CATSPERB: variants seen among roughly 807,000 people sequenced by gnomAD.
CATSPERB encodes catsper channel auxiliary subunit beta, also known as cation channel sperm-associated auxiliary subunit beta.
A neutral mutation model predicts 128.3 loss-of-function variants in CATSPERB; 93 were observed. The observed-to-expected ratio is 0.72, with a 90% CI of 0.61 to 0.86. The LOEUF is 0.86. Among genes scored for constraint, CATSPERB ranks in the 40% least tolerant of loss-of-function variants. The pLI is 0.00. For missense variants in CATSPERB, 1,153 were observed against 1,329.5 expected (o/e 0.87, Z 2.06); for synonymous variants, 381 against 448.8 (o/e 0.85, Z 1.91).
chr14:91,609,883 G>T (rs1893790851), intron 21 of CATSPERB, among the ~76,000 whole-genome samples: 1 of 152,134 alleles, frequency 6.6e-6, no homozygotes, highest in Admixed American at 6.5e-5. Context: ...ACCGTGCCGG[G>T]CTAATTTTTG....
chr14:91,646,397 G>A (rs953112834), intron 15 of CATSPERB, among the ~76,000 whole-genome samples: 7 of 152,026 alleles, frequency 4.6e-5, no homozygotes, highest in African/African-American at 1.7e-4. Flanking sequence ...CTCCGAATTG[G>A]TCTCTGTGAT....
chr14:91,729,905 C>T (rs1896185781), intron 1 of CATSPERB, among the ~76,000 whole-genome samples: 1 of 152,020 alleles, frequency 6.6e-6, no homozygotes, highest in Non-Finnish European at 1.5e-5. Context: ...GTTGAGTGTG[C>T]CAAGAATGCA....
At chr14:91,612,719 G>A (rs576062004) in intron 20 of CATSPERB, among the ~76,000 whole-genome samples, 3 of 152,262 alleles carry the variant, frequency 2.0e-5, no homozygotes, top group Non-Finnish European at 4.4e-5. Context: ...CCCATACTCT[G>A]TAGCCATTAA....
At chr14:91,650,115 G>C (rs56212865) in intron 15 of CATSPERB, among the ~76,000 whole-genome samples, 28,359 of 152,120 alleles carry the variant, frequency 0.19, 2,811 homozygotes, top group South Asian at 0.24. Context: ...AGAGGGCACT[G>C]AAACCATAGT....
chr14:91,638,330 CA>C (rs1894416487), intron 16 of CATSPERB, among the ~76,000 whole-genome samples: 1 of 151,178 alleles, frequency 6.6e-6, no homozygotes, highest in South Asian at 2.1e-4. Context: ...TTTTTGTTGT[CA>C]CTAGAAAAAG....
intron 20 of CATSPERB, among the ~76,000 whole-genome samples, chr14:91,612,217 A>G (rs1027231267): frequency 3.2e-4 from 49 of 152,202 alleles, no homozygotes; most frequent in African/African-American, 1.2e-3. Context: ...GTGCCACCAC[A>G]CCTAGCTTTT....
chr14:91,729,567 GAAAT>G (rs1473093430), intron 1 of CATSPERB, 88 bp from the exon 2 acceptor site: 9 of 616,812 alleles, frequency 1.5e-5, no homozygotes, highest in African/African-American at 1.3e-4. Flanking sequence ...AAGTAGTAAA[GAAAT>G]AATCTCAATA....
At chr14:91,617,574 T>A in intron 20 of CATSPERB, 23 bp downstream of exon 20, 5 of 1,557,226 alleles carry the variant, frequency 3.2e-6, no homozygotes, top group Non-Finnish European at 3.4e-6. Context: ...TAAGAAATGT[T>A]TTGTAAATGA....
chr14:91,586,573 G>A (rs867422185), intron 26 of CATSPERB, among the ~76,000 whole-genome samples: 45 of 141,808 alleles, frequency 3.2e-4, no homozygotes, highest in African/African-American at 1.2e-3. Flanking sequence ...GAGAGAGAAA[G>A]AGAGAGAGAG....
intron 14 of CATSPERB, among the ~76,000 whole-genome samples, chr14:91,664,673 T>C (rs1271012341): frequency 6.6e-6 from 1 of 152,222 alleles, no homozygotes; most frequent in Non-Finnish European, 1.5e-5. Context: ...TGTACAACCC[T>C]CACATCCAAC....
At chr14:91,609,046 C>A (rs1893770028) in intron 21 of CATSPERB, among the ~76,000 whole-genome samples, 1 of 151,990 alleles carries the variant, frequency 6.6e-6, no homozygotes, top group Non-Finnish European at 1.5e-5. Flanking sequence ...ATAAAGTGAG[C>A]TAGAGAAAAA....
At chr14:91,709,723 GC>G (rs1212965494) in intron 5 of CATSPERB, 2 of 151,450 alleles carry the variant, frequency 1.3e-5, no homozygotes, top group Non-Finnish European at 2.9e-5. Flanking sequence ...AAAAATAAGA[GC>G]CCTGAAGATC....
At chr14:91,720,768 A>G (rs1043241412) in intron 4 of CATSPERB, among the ~76,000 whole-genome samples, 3 of 152,222 alleles carry the variant, frequency 2.0e-5, no homozygotes, top group Non-Finnish European at 4.4e-5. Flanking sequence ...AACTCAGACT[A>G]GCAAAAATAA....
intron 20 of CATSPERB, among the ~76,000 whole-genome samples, chr14:91,611,479 A>G (rs1036966463): frequency 3.9e-5 from 6 of 152,200 alleles, no homozygotes; most frequent in African/African-American, 1.4e-4. Flanking sequence ...ACGTGGTGGC[A>G]TATGCCTGTA....
intron 22 of CATSPERB, among the ~76,000 whole-genome samples, chr14:91,599,342 G>T (rs549662997): frequency 6.2e-4 from 94 of 152,058 alleles, no homozygotes; most frequent in African/African-American, 2.2e-3. Flanking sequence ...GGCGGATCAC[G>T]AAGTCAGGAG....
intron 23 of CATSPERB, among the ~76,000 whole-genome samples, chr14:91,590,649 TG>T (rs200340967): frequency 6.1e-5 from 9 of 148,038 alleles, no homozygotes; most frequent in African/African-American, 1.0e-4. Flanking sequence ...TTTTTTTGTT[TG>T]TTTGTTTTGT....
chr14:91,620,805 G>C (rs909999997), intron 19 of CATSPERB, among the ~76,000 whole-genome samples: 1 of 152,160 alleles, frequency 6.6e-6, no homozygotes, highest in African/African-American at 2.4e-5. Flanking sequence ...AAAAGTCAGT[G>C]CCTGTGTATA....
At chr14:91,604,173 C>CA (rs1893658204) in intron 22 of CATSPERB, among the ~76,000 whole-genome samples, 1 of 152,104 alleles carries the variant, frequency 6.6e-6, no homozygotes, top group South Asian at 2.1e-4. Flanking sequence ...GGACTACAGG[C>CA]ACATGCCTGT....
chr14:91,731,476 G>A (rs982369699), intron 1 of CATSPERB, among the ~76,000 whole-genome samples: 3 of 152,088 alleles, frequency 2.0e-5, no homozygotes, highest in Admixed American at 6.5e-5. Flanking sequence ...TTAACTTCTT[G>A]GAGTTCATAT....
Sources: allele counts gnomAD v4.1 joint callset (sites outside exome capture counted in the v4.1 genomes callset), GRCh38; gene constraint gnomAD v4.1.1; transcripts MANE v1.5; gene names NCBI Gene and HGNC (gene_info 2026-07-23, HGNC 2026-07-21).